Variants in WDPCP observed in about 807,000 individuals in gnomAD.
WDPCP encodes the protein WD repeat-containing and planar cell polarity effector protein fritz homolog.
Under a neutral mutation model 93.1 loss-of-function variants are expected in WDPCP, and 71 were observed. The observed-to-expected ratio is 0.76, with a 90% CI of 0.63 to 0.93. The LOEUF is 0.93. WDPCP is among the 40% of genes least tolerant of loss of function. The pLI, the probability that WDPCP is intolerant of heterozygous loss-of-function variation, is 0.00. For missense variants in WDPCP, 844 were observed against 887.4 expected (o/e 0.95, Z 0.62); for synonymous variants, 315 against 315.0 (o/e 1.00, Z 0.00).
At chr2:63,214,260 A>C (rs1677110661) in intron 14 of WDPCP, among the ~76,000 whole-genome samples, 1 of 152,202 alleles carries the variant, frequency 6.6e-6, no homozygotes, top group African/African-American at 2.4e-5. Context: ...CGCACATCAA[A>C]AAGCTTATCC....
At chr2:63,622,535 G>A (rs1709755515) in intron 3 of WDPCP, 4 of 1,613,936 alleles carry the variant, frequency 2.5e-6, no homozygotes, top group East Asian at 2.2e-5. Flanking sequence ...CGTGGTTGAT[G>A]TTCCAGGTGA....
At chr2:63,495,752 G>A (rs1268143283) in intron 1 of WDPCP, among the ~76,000 whole-genome samples, 3 of 152,164 alleles carry the variant, frequency 2.0e-5, no homozygotes, top group African/African-American at 7.2e-5. Context: ...GTTGCTGCTT[G>A]CTATTACTCA....
intron 9 of WDPCP, among the ~76,000 whole-genome samples, chr2:63,422,680 A>T (rs1049861393): frequency 1.3e-5 from 2 of 152,242 alleles, no homozygotes; most frequent in African/African-American, 4.8e-5. Flanking sequence ...ACATCAAAAA[A>T]GAGAAAGAAC....
At chr2:63,673,190 T>G (rs1163598207) in intron 2 of WDPCP, among the ~76,000 whole-genome samples, 1 of 152,054 alleles carries the variant, frequency 6.6e-6, no homozygotes, top group Non-Finnish European at 1.5e-5. Context: ...TGTGTGTGGG[T>G]GGGGGTAAAG....
At position 63,720,579 on chromosome 2, in the gene WDPCP, T is replaced by C. The variant is rs371692400; in HGVS notation, n.309-69741A>G. Among the ~76,000 whole-genome samples, 24 of 152,306 alleles carry C rather than the reference T, an allele frequency of 1.6e-4. No individual in the cohort carries two copies. In the South Asian group the frequency reaches 3.9e-3, roughly 25 times the overall value. On this transcript the variant is annotated intron_variant and non_coding_transcript_variant, in intron 2 of 4. Transcript: ENST00000467687. ...GCCAAATTTCCACTTACCCTCCCCA[T>C]TGATTTTTTTTCCTACATAGAAAAT...
At chr2:63,229,515 G>C (rs1358522555) in intron 14 of WDPCP, 1 of 151,762 alleles carries the variant, frequency 6.6e-6, no homozygotes, top group Non-Finnish European at 1.5e-5. Flanking sequence ...GCCCATGCCT[G>C]TGTCCTGAAT....
intron 2 of WDPCP, among the ~76,000 whole-genome samples, chr2:63,689,778 G>T (rs1668864236): frequency 1.3e-5 from 2 of 152,112 alleles, no homozygotes; most frequent in African/African-American, 4.8e-5. Context: ...TATTTATGCA[G>T]AGTGCATAAT....
chr2:63,622,772 G>T, intron 3 of WDPCP: 1 of 1,612,498 alleles, frequency 6.2e-7, no homozygotes, highest in Non-Finnish European at 8.5e-7. Flanking sequence ...GCCAGAAGGC[G>T]GCGAACACTT....
chr2:63,777,461 T>C (rs766324763), intron 2 of WDPCP, among the ~76,000 whole-genome samples: 3 of 152,192 alleles, frequency 2.0e-5, no homozygotes, highest in Non-Finnish European at 4.4e-5. Context: ...CAAAGACCTG[T>C]AGTTGAATGT....
chr2:63,481,367 T>G (rs1700256250), intron 6 of WDPCP, among the ~76,000 whole-genome samples: 1 of 152,122 alleles, frequency 6.6e-6, no homozygotes, highest in Admixed American at 6.6e-5. Flanking sequence ...GAACTATCAT[T>G]TGATCCAGCA....
intron 6 of WDPCP, among the ~76,000 whole-genome samples, chr2:63,471,857 C>T (rs1330587586): frequency 6.6e-6 from 1 of 152,128 alleles, no homozygotes; most frequent in Non-Finnish European, 1.5e-5. Context: ...TCAATAACTT[C>T]CTGAGAAAAG....
intron 17 of WDPCP, among the ~76,000 whole-genome samples, chr2:63,150,408 A>G (rs1023749040): frequency 6.6e-6 from 1 of 152,220 alleles, no homozygotes; most frequent in Admixed American, 6.5e-5. Flanking sequence ...GACAGAGGCC[A>G]GGGATTGCTG....
intron 2 of WDPCP, among the ~76,000 whole-genome samples, chr2:63,800,347 T>A (rs907114244): frequency 2.6e-5 from 4 of 152,218 alleles, no homozygotes; most frequent in African/African-American, 9.6e-5. Context: ...ACAGTGGAAG[T>A]AGCCTTTCTT....
intron 6 of WDPCP, among the ~76,000 whole-genome samples, chr2:63,459,221 T>A (rs1360944232): frequency 6.6e-6 from 1 of 151,580 alleles, no homozygotes; most frequent in Non-Finnish European, 1.5e-5. Flanking sequence ...CAAATGAGAG[T>A]ATATTAAATT....
At position 63,622,642 on chromosome 2, in the gene WDPCP, G is replaced by A. The variant is rs149909536; in HGVS notation, n.488+28017C>T. The A allele has an allele frequency of 3.8e-3, 6,148 of 1,613,896 alleles. 18 individuals are homozygous for A. The highest frequency in any genetic ancestry group is 4.3e-3 in the Non-Finnish European group (5,132 of 1,179,808). ...GCAGGAAATAGTTGCTTGGCCCAGC[G>A]TGGCATTCTGTTGGTCTTGGTCAGG... is the stretch of plus-strand genomic sequence containing the variant. On this transcript the variant is annotated intron_variant and non_coding_transcript_variant, in intron 3 of 4. Transcript: ENST00000467687.
chr2:63,582,677 G>C (rs1425869580), intron 1 of WDPCP, among the ~76,000 whole-genome samples: 1 of 151,784 alleles, frequency 6.6e-6, no homozygotes, highest in Admixed American at 6.6e-5. Flanking sequence ...AGCAGCCAGA[G>C]AAAAACAGAC....
intron 14 of WDPCP, among the ~76,000 whole-genome samples, chr2:63,224,384 C>T (rs1156653068): frequency 6.6e-6 from 1 of 151,946 alleles, no homozygotes; most frequent in Non-Finnish European, 1.5e-5. Context: ...TGCTTGCACT[C>T]CTTGATATTT....
chr2:63,224,301 A>G (rs140120921), intron 14 of WDPCP, among the ~76,000 whole-genome samples: 85 of 152,154 alleles, frequency 5.6e-4, no homozygotes, highest in African/African-American at 1.9e-3. Context: ...GGAATGCAAA[A>G]TGGTACAGTC....
At chr2:63,355,962 T>A (rs1689993284) in intron 12 of WDPCP, among the ~76,000 whole-genome samples, 4 of 152,130 alleles carry the variant, frequency 2.6e-5, no homozygotes, top group Admixed American at 2.6e-4. Context: ...ATGCCCCACT[T>A]TTTAAAAGGT....
Sources: gnomAD v4.1 joint callset for allele counts (sites outside exome capture counted in the v4.1 genomes callset) on GRCh38, gnomAD v4.1.1 for gene constraint, MANE v1.5 for transcripts, NCBI Gene and HGNC (gene_info 2026-07-23, HGNC 2026-07-21) for gene names.